TCN2: variants seen among roughly 807,000 people sequenced by gnomAD.
TCN2 encodes transcobalamin-2.
Under a neutral mutation model 48.6 loss-of-function variants are expected in TCN2, and 34 were observed. The ratio of observed to expected loss-of-function variants is 0.70; its 90% CI spans 0.53 to 0.93. The LOEUF (loss-of-function observed/expected upper bound fraction) is 0.93, where lower values mean the gene tolerates loss of function less well. TCN2 is among the 40% of genes least tolerant of loss of function. The probability of loss-of-function intolerance (pLI) is 0.00; values close to 1 mark genes in which losing one functional copy is unlikely to be tolerated. For synonymous variants in TCN2, 283 were observed against 212.5 expected (o/e 1.33, Z -2.89); for missense variants, 652 against 526.1 (o/e 1.24, Z -2.34).
intron 2 of TCN2, among the ~76,000 whole-genome samples, chr22:30,612,166 G>A (rs926110657): frequency 1.3e-5 from 2 of 152,128 alleles, no homozygotes; most frequent in Non-Finnish European, 2.9e-5. Context: ...GATCTTTTGA[G>A]GCTGAGAAAT....
At chr22:30,625,566 G>A (rs187375998) in intron 8 of TCN2, among the ~76,000 whole-genome samples, 53 of 152,028 alleles carry the variant, frequency 3.5e-4, no homozygotes, top group Admixed American at 9.2e-4. Flanking sequence ...TGGCTTAAGC[G>A]ATCCTCCCAC....
In TCN2 at chr22:30,617,633, T is replaced by C. The variant is rs2087633042; in HGVS notation, c.1106+138T>C. The stretch of plus-strand genomic sequence containing the variant: ...CTGCTTCTGCTTCTACCTGCTCAGC[T>C]CCTTTCTTGCCCACGGTGTTATGGA... On this transcript the variant is annotated intron_variant, in intron 7 of 8. Coordinates refer to ENST00000215838, the MANE Select transcript of TCN2 (RefSeq NM_000355.4). 9 of 1,169,056 alleles carry C rather than the reference T, an allele frequency of 7.7e-6. No individual in the cohort carries two copies. In the East Asian group the frequency reaches 2.3e-4, roughly 30 times the overall value. 72.4% of individuals were successfully genotyped at this position (1,169,056 alleles called of 1,614,324 possible).
At chr22:30,618,314 CT>C (rs2087645284) in intron 7 of TCN2, among the ~76,000 whole-genome samples, 1 of 151,138 alleles carries the variant, frequency 6.6e-6, no homozygotes, top group Non-Finnish European at 1.5e-5. Context: ...TACCCAGGCT[CT>C]GGAGGCCCAA....
intron 7 of TCN2, 66 bp from the exon 8 acceptor site, chr22:30,622,902 G>A: frequency 4.6e-6 from 7 of 1,537,176 alleles, no homozygotes; most frequent in South Asian, 2.2e-5. Context: ...CTGTGGGTGA[G>A]CACTGCCTCT....
chr22:30,614,243 A>T (rs1220677881), intron 3 of TCN2, 106 bp from the exon 4 acceptor site: 1 of 1,440,562 alleles, frequency 6.9e-7, no homozygotes, highest in East Asian at 2.5e-5. Flanking sequence ...GGATCCCATG[A>T]CCCAAAAGAG....
chr22:30,626,535 T>C lies in TCN2; in HGVS notation c.*14T>C, dbSNP rs758569183. ...GTTAGCTGGTAGCCCCTGAGCTCCC[T>C]CATCCCAGCAGCCTCGCACACTCCC... On this transcript the variant is annotated 3_prime_UTR_variant, in exon 9 of 9. Transcript: ENST00000215838. The C allele has an allele frequency of 6.2e-7, 1 of 1,613,882 alleles. No homozygotes were observed. The highest frequency in any genetic ancestry group is 1.1e-5 in the South Asian group (1 of 91,064).
intron 4 of TCN2, 117 bp downstream of exon 4, chr22:30,614,618 C>A: frequency 6.8e-7 from 1 of 1,459,996 alleles, no homozygotes; most frequent in Non-Finnish European, 9.3e-7. Flanking sequence ...TCCTCCGAAT[C>A]AAGTCCTTTA....
chr22:30,623,717 C>CACACATATATATGTATACATATATATAT (rs2087735583), intron 8 of TCN2, among the ~76,000 whole-genome samples: 1 of 129,964 alleles, frequency 7.7e-6, no homozygotes, highest in African/African-American at 3.2e-5. Context: ...TATATACAGA[C>CACACATATATATGTATACATATATATAT]ACACATATAT....
intron 7 of TCN2, among the ~76,000 whole-genome samples, chr22:30,619,343 G>T (rs919257234): frequency 7.2e-5 from 11 of 152,252 alleles, no homozygotes; most frequent in African/African-American, 2.7e-4. Context: ...GCCTCCCAAA[G>T]TGCTGAGATA....
chr22:30,618,954 G>C (rs998436070), intron 7 of TCN2, among the ~76,000 whole-genome samples: 2 of 151,966 alleles, frequency 1.3e-5, no homozygotes, highest in Non-Finnish European at 2.9e-5. Flanking sequence ...ATTTTGAGTA[G>C]AGATGGAATT....
chr22:30,610,986 C>A lies in TCN2; in HGVS notation c.180C>A (p.Leu60=). 1 of 1,614,222 alleles carries A rather than the reference C, an allele frequency of 6.2e-7. No homozygotes were observed. Among genetic ancestry groups the A allele is most frequent in the Non-Finnish European group, 8.5e-7 (1 of 1,180,048 alleles). Residue 60 remains leucine (L), a synonymous_variant, in exon 2 of 9, where the codon CTC becomes CTA. Transcript: ENST00000215838. ...LNPSIYVGLR[L]SSLQAGTKED... ...CCAGCATCTATGTGGGCCTACGCCTCTCCAGTCTGCAGGCTGGGACCAAGG... is the reference window on the plus strand; with the variant it reads ...CCAGCATCTATGTGGGCCTACGCCTATCCAGTCTGCAGGCTGGGACCAAGG...
In TCN2 at chr22:30,615,597, C is replaced by T; in HGVS notation, c.754-4C>T. On this transcript the variant is annotated splice_region_variant and splice_polypyrimidine_tract_variant and intron_variant, in intron 5 of 8. Coordinates refer to ENST00000215838, the MANE Select transcript of TCN2 (RefSeq NM_000355.4). ...CCTCTCTCTCTTCCTCACTCTATCA[C>T]CAGTTCCTCATGACTTCCCCCATGC... The T allele has an allele frequency of 6.2e-7, 1 of 1,614,162 alleles. No homozygotes were observed. The highest frequency in any genetic ancestry group is 1.1e-5 in the South Asian group (1 of 91,088).
intron 7 of TCN2, among the ~76,000 whole-genome samples, chr22:30,620,281 G>A (rs531294659): frequency 1.3e-5 from 2 of 152,306 alleles, no homozygotes; most frequent in African/African-American, 2.4e-5. Flanking sequence ...GCGAAAGCCC[G>A]TCTCTACCAC....
Position 30,615,353 on chromosome 22 carries a change from C to T in TCN2, c.633C>T (p.Phe211=). 6.2e-7 allele frequency: 1 copy of T among 1,614,224 alleles called. No individual in the cohort carries two copies. Among genetic ancestry groups the T allele is most frequent in the Non-Finnish European group, 8.5e-7 (1 of 1,180,062 alleles). The part of the protein sequence containing the change: ...LAFTCLKRSN[F]NPGRRQRITM... ...TCACCTGTCTGAAGCGCTCAAACTT[C>T]AACCCTGGTCGGAGACAACGGATCA... The change falls in exon 5 of 9, where the codon TTC becomes TTT. Residue 211 remains phenylalanine, a synonymous_variant. Transcript: ENST00000215838.
intron 8 of TCN2, among the ~76,000 whole-genome samples, chr22:30,624,467 C>G (rs1238030713): frequency 6.6e-6 from 1 of 152,074 alleles, no homozygotes; most frequent in African/African-American, 2.4e-5. Flanking sequence ...GGGCACTTAC[C>G]ATGTGTCAAG....
In TCN2 at chr22:30,615,687, T is replaced by C. The variant is rs79999752; in HGVS notation, c.840T>C (p.Asp280=). ...ARVALLASLQ[D]GAFQNALMIS... ...TTGCTTTGCTGGCCAGTCTGCAGGA[T>C]GGAGCCTTCCAGAATGCTCTCATGA... is the stretch of plus-strand genomic sequence containing the variant. Residue 280 remains aspartate, a synonymous_variant, in exon 6 of 9, where the codon GAT becomes GAC. Transcript: ENST00000215838. 2,550 of 1,614,230 alleles carry C rather than the reference T, an allele frequency of 1.6e-3. 30 individuals carry two copies. The African/African-American group carries it at 0.026, about 16-fold the overall frequency.
chr22:30,625,411 AAAAT>A (rs1004762915), intron 8 of TCN2, among the ~76,000 whole-genome samples: 1 of 152,024 alleles, frequency 6.6e-6, no homozygotes, highest in Non-Finnish European at 1.5e-5. Context: ...TTAAAAAAAA[AAAAT>A]ATTTTCCTGG....
Position 30,607,224 on chromosome 22 carries a change from G to C in TCN2, c.-108G>C, listed in dbSNP as rs1362279018. On this transcript the variant is annotated 5_prime_UTR_variant, in exon 1 of 9. Coordinates refer to ENST00000215838, the MANE Select transcript of TCN2 (RefSeq NM_000355.4). ...ATGGAGGATTAATCAGTGACAGGAAGCTGCGTCTCTCGGAGCGGTGACCAG... is the reference window on the plus strand; with the variant it reads ...ATGGAGGATTAATCAGTGACAGGAACCTGCGTCTCTCGGAGCGGTGACCAG... 2 of 1,185,272 alleles carry C rather than the reference G, an allele frequency of 1.7e-6. No homozygotes were observed. The highest frequency in any genetic ancestry group is 2.5e-6 in the Non-Finnish European group (2 of 794,628). The allele number at this position is 1,185,272 out of a possible 1,614,324, so 73.4% of individuals were successfully genotyped here.
At chr22:30,612,735 C>A in intron 2 of TCN2, 138 bp from the exon 3 acceptor site, 1 of 1,027,522 alleles carries the variant, frequency 9.7e-7, no homozygotes, top group Non-Finnish European at 1.4e-6. Flanking sequence ...ATAGCCAACA[C>A]ACCTCCTTTT....
Sources: allele counts gnomAD v4.1 joint callset (sites outside exome capture counted in the v4.1 genomes callset), GRCh38; gene constraint gnomAD v4.1.1; transcripts MANE v1.5; gene names NCBI Gene and HGNC (gene_info 2026-07-23, HGNC 2026-07-21).